Variants in ACAP2 observed in about 807,000 individuals in gnomAD.
ACAP2 encodes the protein arf-GAP with coiled-coil, ANK repeat and PH domain-containing protein 2.
In ACAP2, 39 loss-of-function variants were observed where a neutral mutation model predicts 115.8. That is an observed-to-expected ratio of 0.34 (90% confidence interval 0.26 to 0.44). ACAP2 has a LOEUF of 0.44. Ranked by LOEUF, ACAP2 falls within the 20% of genes least tolerant of loss-of-function variation. ACAP2 has a pLI of 1.00. For synonymous variants in ACAP2, 289 were observed against 315.8 expected (o/e 0.92, Z 0.90); for missense variants, 662 against 927.6 (o/e 0.71, Z 3.72).
intron 7 of ACAP2, among the ~76,000 whole-genome samples, chr3:195,333,406 AC>A (rs1324529507): frequency 2.0e-5 from 3 of 152,030 alleles, no homozygotes; most frequent in African/African-American, 7.2e-5. Context: ...TCGCCATGTT[AC>A]CCAGGCTGAT....
intron 6 of ACAP2, among the ~76,000 whole-genome samples, chr3:195,342,196 G>A (rs571031403): frequency 6.6e-6 from 1 of 152,196 alleles, no homozygotes; most frequent in South Asian, 2.1e-4. Flanking sequence ...CAACTCCAGA[G>A]AATAACATAT....
At chr3:195,379,674 C>T (rs578151140) in intron 4 of ACAP2, among the ~76,000 whole-genome samples, 1 of 152,246 alleles carries the variant, frequency 6.6e-6, no homozygotes, top group African/African-American at 2.4e-5. Context: ...CATGATGGCA[C>T]ATACCTGTAG....
intron 1 of ACAP2, among the ~76,000 whole-genome samples, chr3:195,434,294 G>A (rs551885628): frequency 2.8e-4 from 42 of 152,012 alleles, no homozygotes; most frequent in African/African-American, 9.9e-4. Flanking sequence ...GTGCAGTGGC[G>A]CAAATACAGC....
chr3:195,292,055 C>T (rs573690669), intron 19 of ACAP2, among the ~76,000 whole-genome samples: 2 of 152,290 alleles, frequency 1.3e-5, no homozygotes, highest in African/African-American at 2.4e-5. Context: ...ACATTATATA[C>T]TTTCATTATC....
At chr3:195,398,595 C>G (rs1712005099) in intron 1 of ACAP2, among the ~76,000 whole-genome samples, 2 of 151,746 alleles carry the variant, frequency 1.3e-5, no homozygotes, top group African/African-American at 2.4e-5. Flanking sequence ...CAAGATCACA[C>G]CATTGCACTC....
At position 195,387,621 on chromosome 3, in the gene ACAP2, A is replaced by G. The variant is rs182030098; in HGVS notation, c.111+4469T>C. On this transcript the variant is annotated intron_variant, in intron 2 of 22. Transcript: ENST00000326793. ...CACGCCAGGGGCACCATACCCAGCT[A>G]ATTTTTGTATTTTTAGTAGAGACAG... Among the ~76,000 whole-genome samples the G allele has an allele frequency of 1.9e-3, 291 of 152,210 alleles. 2 individuals carry two copies. The Middle Eastern group carries it at 0.031, about 16-fold the overall frequency.
intron 2 of ACAP2, among the ~76,000 whole-genome samples, chr3:195,390,151 C>G (rs530001817): frequency 1.7e-4 from 26 of 152,116 alleles, no homozygotes; most frequent in African/African-American, 6.3e-4. Context: ...GAGCCGAGAT[C>G]GCGCCACTGC....
At chr3:195,316,390 G>GTTTATTTA (rs201136594) in intron 10 of ACAP2, among the ~76,000 whole-genome samples, 10 of 151,566 alleles carry the variant, frequency 6.6e-5, no homozygotes, top group East Asian at 1.9e-4. Context: ...CTATTCTTAT[G>GTTTATTTA]TTTATTTATT....
chr3:195,332,239 A>T lies in ACAP2; in HGVS notation c.669+789T>A, dbSNP rs542186603. ...AGCTCTATAATTTTAAGATTCTAAA[A>T]TTTTTTTATTCAAATAACAAGATAC... On this transcript the variant is annotated intron_variant, in intron 8 of 22. Coordinates refer to ENST00000326793, the MANE Select transcript of ACAP2 (RefSeq NM_012287.6). 3.9e-3 allele frequency among the ~76,000 whole-genome samples: 591 copies of T among 152,230 alleles called. 16 individuals carry two copies. In the South Asian group the frequency reaches 0.04, roughly 10 times the overall value.
At chr3:195,404,239 G>GAA (rs1012527901) in intron 1 of ACAP2, among the ~76,000 whole-genome samples, 2 of 152,170 alleles carry the variant, frequency 1.3e-5, no homozygotes, top group Admixed American at 1.3e-4. Flanking sequence ...TATCAAGGAA[G>GAA]AAGGAGTAAT....
intron 4 of ACAP2, among the ~76,000 whole-genome samples, chr3:195,347,939 G>C (rs936515085): frequency 5.3e-5 from 8 of 151,982 alleles, no homozygotes; most frequent in Non-Finnish European, 1.2e-4. Context: ...TTGAGCCCAG[G>C]AGTTCAAGGT....
At chr3:195,382,200 C>T (rs1319683872) in intron 2 of ACAP2, among the ~76,000 whole-genome samples, 178 bp from the exon 3 acceptor site, 2 of 152,092 alleles carry the variant, frequency 1.3e-5, no homozygotes, top group Admixed American at 1.3e-4. Context: ...AAAGTAAATT[C>T]GTAGCAGAGT....
At chr3:195,302,736 AC>A (rs995268935) in intron 13 of ACAP2, among the ~76,000 whole-genome samples, 2 of 152,218 alleles carry the variant, frequency 1.3e-5, no homozygotes, top group Non-Finnish European at 2.9e-5. Context: ...AATGTTTAAA[AC>A]TTCAAGGGAT....
intron 4 of ACAP2, among the ~76,000 whole-genome samples, chr3:195,352,516 A>G (rs1731681424): frequency 6.6e-6 from 1 of 152,242 alleles, no homozygotes; most frequent in Non-Finnish European, 1.5e-5. Flanking sequence ...TAGCCGTTTT[A>G]CACCTGGCTA....
Position 195,278,609 on chromosome 3 carries a change from T to A in ACAP2, c.*719A>T, listed in dbSNP as rs1345125934. ...AGAACTACACATTTTGAACTGGGGT[T>A]TTTTTTTGTGATTAAAAAAAAAAAA... On this transcript the variant is annotated 3_prime_UTR_variant, in exon 23 of 23. Coordinates refer to ENST00000326793, the MANE Select transcript of ACAP2 (RefSeq NM_012287.6). 1 of 144,278 alleles carries A rather than the reference T, an allele frequency of 6.9e-6. No individual in the cohort carries two copies. Among genetic ancestry groups the A allele is most frequent in the Non-Finnish European group, 1.5e-5 (1 of 66,484 alleles). 8.9% of individuals were successfully genotyped at this position (144,278 alleles called of 1,614,324 possible). A position where few individuals can be genotyped will look rare whatever the true frequency, so the allele number is the denominator to read the frequency against.
chr3:195,418,900 C>A (rs1713948909), intron 1 of ACAP2, among the ~76,000 whole-genome samples: 4 of 152,152 alleles, frequency 2.6e-5, no homozygotes. Flanking sequence ...GACTACCACA[C>A]CCTAAATATT....
intron 1 of ACAP2, among the ~76,000 whole-genome samples, chr3:195,407,928 T>A (rs893080647): frequency 2.6e-5 from 4 of 152,080 alleles, no homozygotes; most frequent in Non-Finnish European, 5.9e-5. Context: ...GAATTTTTTT[T>A]AAAAAGAAGA....
Position 195,379,782 on chromosome 3 carries a change from T to C in ACAP2, c.285+1227A>G, listed in dbSNP as rs549485427. 2.0e-5 allele frequency among the ~76,000 whole-genome samples: 3 copies of C among 152,180 alleles called. No individual in the cohort carries two copies. The East Asian group carries it at 5.8e-4, about 29-fold the overall frequency. On this transcript the variant is annotated intron_variant, in intron 4 of 22. Transcript: ENST00000326793. ...CTGTGCCATTGCACTCCAGTCTGGG[T>C]GACAGAGTGAGACCCCATCTCTAAA...
Position 195,294,811 on chromosome 3 carries a change from A to G in ACAP2, c.1673T>C (p.Val558Ala). 1 of 1,581,126 alleles carries G rather than the reference A, an allele frequency of 6.3e-7. No individual in the cohort carries two copies. The highest frequency in any genetic ancestry group is 1.1e-5 in the South Asian group (1 of 90,078). The change falls in exon 18 of 23, where the codon GTC (valine) becomes GCC (alanine). Residue 558 changes from valine to alanine, a missense_variant and splice_region_variant. Physicochemically the swap from Val to Ala is moderately conservative, Grantham distance 64. Around this residue, in one of 3 missense-constraint regions of ACAP2, gnomAD observed 133 missense variants for 123.1 expected, o/e 1.08. Coordinates refer to ENST00000326793, the MANE Select transcript of ACAP2 (RefSeq NM_012287.6). ...DQVRASAQSS[V>A]RSNDSGIQQS... ...CTGAATTCCACTGTCATTACTTCTGACTGTTTTAAAGAAAAATTAACTAAT... is the reference window on the plus strand; with the variant it reads ...CTGAATTCCACTGTCATTACTTCTGGCTGTTTTAAAGAAAAATTAACTAAT...
Sources: gnomAD v4.1 joint callset for allele counts (sites outside exome capture counted in the v4.1 genomes callset) on GRCh38, gnomAD v4.1.1 for gene constraint, gnomAD v4.1.1 regional missense constraint, MANE v1.5 for transcripts, NCBI Gene and HGNC (gene_info 2026-07-23, HGNC 2026-07-21) for gene names.